TERT: variants seen among roughly 807,000 people sequenced by gnomAD.
TERT encodes the protein telomerase catalytic subunit.
In TERT, 42 loss-of-function variants were observed where a neutral mutation model predicts 104.0. That is an observed-to-expected ratio of 0.40 (90% CI 0.32 to 0.52). The LOEUF (loss-of-function observed/expected upper bound fraction) is 0.52, where lower values mean the gene tolerates loss of function less well. Ranked by LOEUF, TERT falls within the 20% of genes least tolerant of loss-of-function variation. The pLI is 0.43. For synonymous variants in TERT, 781 were observed against 725.6 expected (o/e 1.08, Z -1.23); for missense variants, 1,101 against 1,610.3 (o/e 0.68, Z 5.41).
At position 1,280,247 on chromosome 5, in the gene TERT, G is replaced by C. The variant is rs900057780; in HGVS notation, c.1861C>G (p.Leu621Val). Residue 621 changes from leucine to valine, a missense_variant, in exon 4 of 16, where the codon CTC becomes GTC. Leu to Val is a conservative substitution (Grantham distance 32, BLOSUM62 1). Transcript: ENST00000310581. ...CCGTCAGGCTTGGGGATGAAGCGGAGTCTGGACGTCAGCAGGGCGGGCCTG... is the reference window on the plus strand; with the variant it reads ...CCGTCAGGCTTGGGGATGAAGCGGACTCTGGACGTCAGCAGGGCGGGCCTG... ...EARPALLTSR[L>V]RFIPKPDGLR... 1 of 1,613,744 alleles carries C rather than the reference G, an allele frequency of 6.2e-7. No homozygotes were observed. Among genetic ancestry groups the C allele is most frequent in the African/African-American group, 1.3e-5 (1 of 74,954 alleles).
chr5:1,254,374 T>G lies in TERT; in HGVS notation c.3289A>C (p.Arg1097=), dbSNP rs1241468355. Residue 1097 remains arginine, a synonymous_variant, in exon 15 of 16, where the codon AGG becomes CGG. Transcript: ENST00000310581. Reference sequence around the variant, plus strand: ...GGCCTCCACCCACACTTGCCTGTCCTGAGTGACCCCAGGAGTGGCACGTAG... The same window carrying G: ...GGCCTCCACCCACACTTGCCTGTCCGGAGTGACCCCAGGAGTGGCACGTAG... ...VTYVPLLGSL[R]TAQTQLSRKL... The G allele has an allele frequency of 6.2e-7, 1 of 1,613,038 alleles. No individual in the cohort carries two copies. Among genetic ancestry groups the G allele is most frequent in the East Asian group, 2.2e-5 (1 of 44,870 alleles).
At position 1,264,428 on chromosome 5, in the gene TERT, A is replaced by G; in HGVS notation, c.2819T>C (p.Leu940Pro). 6.2e-7 allele frequency: 1 copy of G among 1,613,364 alleles called. No individual in the cohort carries two copies. Among genetic ancestry groups the G allele is most frequent in the Non-Finnish European group, 8.5e-7 (1 of 1,179,960 alleles). Residue 940 changes from leucine (L) to proline (P), a missense_variant, in exon 11 of 16, where the codon CTG becomes CCG. By Grantham distance (98) the Leu-to-Pro change is moderately conservative. Coordinates refer to ENST00000310581, the MANE Select transcript of TERT (RefSeq NM_198253.3). ...WCGLLLDTRT[L>P]EVQSDYSSYA... ...CCTGGAGTAGTCGCTCTGCACCTCC[A>G]GGGTCCGGGTATCCAGCAGCAGGCC...
intron 4 of TERT, among the ~76,000 whole-genome samples, chr5:1,279,723 G>A (rs919201007): frequency 2.6e-5 from 4 of 152,168 alleles, no homozygotes; most frequent in Non-Finnish European, 5.9e-5. Flanking sequence ...CGGGGTCACC[G>A]CAGCCACCGC....
Position 1,265,236 on chromosome 5 carries a change from C to A in TERT, c.2655-644G>T, listed in dbSNP as rs559111884. Among the ~76,000 whole-genome samples, 2 of 152,260 alleles carry A rather than the reference C, an allele frequency of 1.3e-5. No homozygotes were observed. The highest frequency in any genetic ancestry group is 1.3e-4 in the Admixed American group (2 of 15,310). On this transcript the variant is annotated intron_variant, in intron 10 of 15. Transcript: ENST00000310581. This position sits in a 1 kb window ranked among gnomAD's most constrained non-coding sequence, Gnocchi z 6.9. ...TCTGCTCTGGCCTGGGCATCCCCTT[C>A]CCTTCCTGCGGCCTCTGCTGTGGCC...
At position 1,294,028 on chromosome 5, in the gene TERT, C is replaced by T. The variant is rs1751195245; in HGVS notation, c.858G>A (p.Glu286=). The T allele has an allele frequency of 6.3e-7, 1 of 1,597,932 alleles. No homozygotes were observed. The highest frequency in any genetic ancestry group is 8.5e-7 in the Non-Finnish European group (1 of 1,174,170). Residue 286 remains glutamate, a synonymous_variant, in exon 2 of 16, where the codon GAG becomes GAA. Transcript: ENST00000310581. ...ARPAEEATSL[E]GALSGTRHSH... is the part of the protein sequence containing the mutation. ...AGTGGCGCGTGCCAGAGAGCGCACCCTCCAAAGAGGTGGCTTCTTCGGCGG... is the reference window on the plus strand; with the variant it reads ...AGTGGCGCGTGCCAGAGAGCGCACCTTCCAAAGAGGTGGCTTCTTCGGCGG...
At chr5:1,285,986 C>T (rs2126662011) in intron 2 of TERT, among the ~76,000 whole-genome samples, 1 of 152,194 alleles carries the variant, frequency 6.6e-6, no homozygotes, top group Middle Eastern at 3.4e-3. Context: ...CACTCCCCCG[C>T]CAGGCAGCAC....
chr5:1,282,318 C>T, intron 3 of TERT, 111 bp downstream of exon 3: 1 of 1,227,870 alleles, frequency 8.1e-7, no homozygotes, highest in Non-Finnish European at 1.2e-6. Context: ...GGCTCCCAGC[C>T]CAGAGCTGCA....
At position 1,269,671 on chromosome 5, in the gene TERT, T is replaced by A. The variant is rs897473768; in HGVS notation, c.2469-1038A>T. 1.3e-5 allele frequency among the ~76,000 whole-genome samples: 2 copies of A among 150,740 alleles called. No individual in the cohort carries two copies. Among genetic ancestry groups the A allele is most frequent in the Non-Finnish European group, 3.0e-5 (2 of 67,738 alleles). ...TTCCTTGCTGGTGCAGATATCACAG[T>A]GATGGGCAAGAGGACTGCACTTTTT... On this transcript the variant is annotated intron_variant, in intron 8 of 15. Transcript: ENST00000310581. This position sits in a 1 kb window ranked among gnomAD's most constrained non-coding sequence, Gnocchi z 9.0.
At chr5:1,281,542 C>A (rs546776427) in intron 3 of TERT, among the ~76,000 whole-genome samples, 3 of 152,346 alleles carry the variant, frequency 2.0e-5, no homozygotes, top group Non-Finnish European at 4.4e-5. Context: ...GACCAGCGCT[C>A]CCGTCCCTCA....
intron 15 of TERT, 32 bp downstream of exon 15, chr5:1,254,336 T>G (rs34742644): frequency 1.2e-6 from 2 of 1,612,532 alleles, no homozygotes; most frequent in South Asian, 2.2e-5. Context: ...CCTGGGCAGG[T>G]GGGGCCCGCA....
At position 1,255,514 on chromosome 5, in the gene TERT, A is replaced by C. The variant is rs892326850; in HGVS notation, c.3033-103T>G. 6.8e-6 allele frequency: 10 copies of C among 1,464,324 alleles called. No homozygotes were observed. The highest frequency in any genetic ancestry group is 9.5e-6 in the Non-Finnish European group (10 of 1,052,362). 90.7% of individuals were successfully genotyped at this position (1,464,324 alleles called of 1,614,324 possible). On this transcript the variant is annotated intron_variant, in intron 13 of 15. Coordinates refer to ENST00000310581, the MANE Select transcript of TERT (RefSeq NM_198253.3). The surrounding 1 kb of genome is among the most constrained non-coding windows in gnomAD (Gnocchi z 6.9). ...GGTGCCTGTGTGCGTGCATGAATGC[A>C]CATGCATGGGTTTCCTCATGGGCAC...
Position 1,287,405 on chromosome 5 carries a change from TGA to T in TERT, c.1574-4783_1574-4782del, listed in dbSNP as rs1357017212. On this transcript the variant is annotated intron_variant, in intron 2 of 15. Coordinates refer to ENST00000310581, the MANE Select transcript of TERT (RefSeq NM_198253.3). The surrounding 1 kb of genome is among the most constrained non-coding windows in gnomAD (Gnocchi z 4.3). ...GTTCCAGCTATTCAGGAGGCTGAGG[TGA>T]GAGGACGGCTCAGGCCAGAAGGTAA... Among the ~76,000 whole-genome samples, 1 of 151,218 alleles carries T rather than the reference TGA, an allele frequency of 6.6e-6. No homozygotes were observed. Among genetic ancestry groups the T allele is most frequent in the Non-Finnish European group, 1.5e-5 (1 of 67,892 alleles).
At position 1,271,159 on chromosome 5, in the gene TERT, G is replaced by C; in HGVS notation, c.2428C>G (p.Leu810Val). 1 of 1,613,192 alleles carries C rather than the reference G, an allele frequency of 6.2e-7. No individual in the cohort carries two copies. Among genetic ancestry groups the C allele is most frequent in the South Asian group, 1.1e-5 (1 of 91,090 alleles). ...EASSGLFDVF[L>V]RFMCHHAVRI... Reference sequence around the variant, plus strand: ...ACGGCGTGGTGGCACATGAAGCGTAGGAAGACGTCGAAGAGGCCACTGCTG... The same window carrying C: ...ACGGCGTGGTGGCACATGAAGCGTACGAAGACGTCGAAGAGGCCACTGCTG... Residue 810 changes from leucine to valine, a missense_variant, in exon 8 of 16, where the codon CTA (leucine) becomes GTA (valine). Physicochemically the swap from Leu to Val is conservative, Grantham distance 32. This residue lies in a region of TERT where 463 missense variants were observed against 797.5 expected (regional missense o/e 0.58). Coordinates refer to ENST00000310581, the MANE Select transcript of TERT (RefSeq NM_198253.3).
At position 1,253,820 on chromosome 5, in the gene TERT, G is replaced by T; in HGVS notation, c.3307C>A (p.Leu1103Met). The T allele has an allele frequency of 6.2e-7, 1 of 1,609,892 alleles. No individual in the cohort carries two copies. Among genetic ancestry groups the T allele is most frequent in the South Asian group, 1.1e-5 (1 of 89,974 alleles). Residue 1103 changes from leucine to methionine, a missense_variant, in exon 16 of 16, where the codon CTG becomes ATG. By Grantham distance (15) the Leu-to-Met change is conservative. Transcript: ENST00000310581. The part of the protein sequence containing the change: ...LGSLRTAQTQ[L>M]SRKLPGTTLT... ...GTCGTCCCCGGGAGCTTCCGACTCAGCTGCGTCTGGGCTGCGGGGCCAAAA... is the reference window on the plus strand; with the variant it reads ...GTCGTCCCCGGGAGCTTCCGACTCATCTGCGTCTGGGCTGCGGGGCCAAAA...
chr5:1,254,844 C>T (rs960032340), intron 14 of TERT, among the ~76,000 whole-genome samples: 9 of 151,828 alleles, frequency 5.9e-5, no homozygotes, highest in South Asian at 2.1e-4. Context: ...GGGGCTCTGT[C>T]GTGGTGATAC....
At position 1,260,422 on chromosome 5, in the gene TERT, G is replaced by A. The variant is rs933739306; in HGVS notation, c.2970+52C>T. On this transcript the variant is annotated intron_variant, in intron 12 of 15. Transcript: ENST00000310581. The stretch of plus-strand genomic sequence containing the variant: ...CGCGCACACACACACACACATACTT[G>A]CGCACACACCTCCTGAACTCTGAAC... The A allele has an allele frequency of 2.5e-6, 4 of 1,611,530 alleles. No individual in the cohort carries two copies. The Admixed American group carries it at 6.7e-5, about 27-fold the overall frequency.
At position 1,255,307 on chromosome 5, in the gene TERT, A is replaced by T. The variant is rs1287259172; in HGVS notation, c.3137T>A (p.Ile1046Asn). 6.2e-7 allele frequency: 1 copy of T among 1,614,028 alleles called. No individual in the cohort carries two copies. The highest frequency in any genetic ancestry group is 1.1e-5 in the South Asian group (1 of 91,046). Residue 1046 changes from isoleucine to asparagine, a missense_variant, in exon 14 of 16, where the codon ATC becomes AAC. Physicochemically the swap from Ile to Asn is moderately radical, Grantham distance 149. Transcript: ENST00000310581. The surrounding 1 kb of genome is among the most constrained non-coding windows in gnomAD (Gnocchi z 6.9). ...ISDTASLCYS[I>N]LKAKNAGMSL... Reference sequence around the variant, plus strand: ...CATACCTGCGTTCTTGGCTTTCAGGATGGAGTAGCAGAGGGAGGCCGTGTC... The same window carrying T: ...CATACCTGCGTTCTTGGCTTTCAGGTTGGAGTAGCAGAGGGAGGCCGTGTC...
Position 1,294,460 on chromosome 5 carries a change from G to A in TERT, c.426C>T (p.Arg142=), listed in dbSNP as rs1579598521. ...RGSGAWGLLL[R]RVGDDVLVHL... ...GAACCAGCACGTCGTCGCCCACGCG[G>A]CGCAGCAGCAGCCCCCACGCCCCGC... Residue 142 remains arginine, a synonymous_variant, in exon 2 of 16, where the codon CGC becomes CGT. Transcript: ENST00000310581. The A allele has an allele frequency of 1.3e-6, 2 of 1,591,862 alleles. No homozygotes were observed. The highest frequency in any genetic ancestry group is 1.7e-6 in the Non-Finnish European group (2 of 1,177,028).
rs1286970661 is a variant in TERT at position 1,256,879 on chromosome 5, G to A, written c.3033-1468C>T. ...CGGGGCGTCCACCCCAAGCCCGTGT[G>A]GAGGCGCGGCCAGCACGGGCCAGGA... On this transcript the variant is annotated intron_variant, in intron 13 of 15. Transcript: ENST00000310581. This position sits in a 1 kb window ranked among gnomAD's most constrained non-coding sequence, Gnocchi z 7.0. 6.6e-6 allele frequency among the ~76,000 whole-genome samples: 1 copy of A among 152,184 alleles called. No homozygotes were observed. Among genetic ancestry groups the A allele is most frequent in the Admixed American group, 6.5e-5 (1 of 15,278 alleles).
Sources: allele counts gnomAD v4.1 joint callset (sites outside exome capture counted in the v4.1 genomes callset), GRCh38; gene constraint gnomAD v4.1.1; regional missense constraint gnomAD v4.1.1; non-coding constraint Gnocchi (gnomAD v3.1); transcripts MANE v1.5; gene names NCBI Gene and HGNC (gene_info 2026-07-23, HGNC 2026-07-21).